RNF122: variants seen among roughly 807,000 people sequenced by gnomAD.
RNF122 encodes the protein ring finger protein 122.
RNF122 carries 17 observed loss-of-function variants against 24.2 expected under a neutral mutation model. The observed-to-expected ratio is 0.70, with a 90% CI of 0.48 to 1.06. RNF122 has a LOEUF of 1.06. Among genes scored for constraint, RNF122 ranks in the 50% least tolerant of loss-of-function variants. The probability of loss-of-function intolerance (pLI) is 0.00; values close to 1 mark genes in which losing one functional copy is unlikely to be tolerated. For synonymous variants in RNF122, 65 were observed against 71.8 expected, an observed-to-expected ratio of 0.91 and a Z score of 0.48; for missense variants, 168 against 198.1, an observed-to-expected ratio of 0.85 and a Z score of 0.91.
At chr8:33,560,372 C>T (rs1810522276) in intron 1 of RNF122, among the ~76,000 whole-genome samples, 1 of 151,998 alleles carries the variant, frequency 6.6e-6, no homozygotes, top group African/African-American at 2.4e-5. Flanking sequence ...GGAAAAGGAA[C>T]TTTGCTTGTT....
intron 1 of RNF122, 56 bp from the exon 2 acceptor site, chr8:33,558,827 T>TA (rs982191293): frequency 1.4e-5 from 20 of 1,390,302 alleles, no homozygotes; most frequent in Non-Finnish European, 1.9e-5. Context: ...GCTGGGCTGA[T>TA]AGCACTGTGT....
At chr8:33,559,154 G>T (rs1042924112) in intron 1 of RNF122, among the ~76,000 whole-genome samples, 2 of 151,824 alleles carry the variant, frequency 1.3e-5, no homozygotes, top group African/African-American at 4.8e-5. Context: ...AGAAAAATTA[G>T]CTAGGCATGG....
intron 1 of RNF122, among the ~76,000 whole-genome samples, chr8:33,565,863 C>CT (rs1013165069): frequency 5.3e-5 from 8 of 151,864 alleles, no homozygotes; most frequent in Admixed American, 3.3e-4. Flanking sequence ...AGGAAAACGG[C>CT]TTTTTTTTAG....
At chr8:33,560,079 C>T (rs147703934) in intron 1 of RNF122, among the ~76,000 whole-genome samples, 1 of 152,016 alleles carries the variant, frequency 6.6e-6, no homozygotes, top group Non-Finnish European at 1.5e-5. Flanking sequence ...TGACCTCAGG[C>T]GATCCACCCA....
chr8:33,561,266 C>G (rs910629698), intron 1 of RNF122, among the ~76,000 whole-genome samples: 3 of 152,146 alleles, frequency 2.0e-5, no homozygotes, highest in African/African-American at 7.2e-5. Flanking sequence ...TCACATGCCA[C>G]AGAATTCTAT....
intron 1 of RNF122, among the ~76,000 whole-genome samples, chr8:33,566,335 C>A (rs1810622758): frequency 6.6e-6 from 1 of 152,208 alleles, no homozygotes; most frequent in Non-Finnish European, 1.5e-5. Context: ...GAGATCCCAG[C>A]CCGAGTGCGG....
chr8:33,563,374 T>G (rs1810570278), intron 1 of RNF122, among the ~76,000 whole-genome samples: 1 of 152,196 alleles, frequency 6.6e-6, no homozygotes, highest in African/African-American at 2.4e-5. Context: ...CAGCAAGTAT[T>G]ATTGAGGGCT....
chr8:33,559,677 T>C (rs1341231263), intron 1 of RNF122, among the ~76,000 whole-genome samples: 2 of 151,988 alleles, frequency 1.3e-5, no homozygotes, highest in Non-Finnish European at 2.9e-5. Context: ...AAAGTGGCGA[T>C]GGGGGTGGGG....
Position 33,564,075 on chromosome 8 carries a change from T to C in RNF122, c.25+2624A>G, listed in dbSNP as rs192161762. The stretch of plus-strand genomic sequence containing the variant: ...TTTGCTTGTGTTACTATTAAAGAAA[T>C]GGCAAAATAGTCTACTGGTCAAAAG... On this transcript the variant is annotated intron_variant, in intron 1 of 5. Coordinates refer to ENST00000256257, the MANE Select transcript of RNF122 (RefSeq NM_024787.3). Among the ~76,000 whole-genome samples, 26 of 152,254 alleles carry C rather than the reference T, an allele frequency of 1.7e-4. No individual in the cohort carries two copies. In the East Asian group the frequency reaches 4.8e-3, roughly 28 times the overall value.
Position 33,562,042 on chromosome 8 carries a change from C to T in RNF122, c.26-3271G>A, listed in dbSNP as rs892211357. Among the ~76,000 whole-genome samples the T allele has an allele frequency of 4.6e-5, 7 of 152,074 alleles. No individual in the cohort carries two copies. In the East Asian group the frequency reaches 5.8e-4, roughly 13 times the overall value. On this transcript the variant is annotated intron_variant, in intron 1 of 5. Transcript: ENST00000256257. ...CCCTGTCTTTGTTTACACAGCTTTCCCTGCCTGAAACGCTCTCTCTGAGGC... is the reference window on the plus strand; with the variant it reads ...CCCTGTCTTTGTTTACACAGCTTTCTCTGCCTGAAACGCTCTCTCTGAGGC...
intron 4 of RNF122, among the ~76,000 whole-genome samples, chr8:33,549,694 G>T (rs912247169): frequency 6.6e-6 from 1 of 152,082 alleles, no homozygotes; most frequent in African/African-American, 2.4e-5. Context: ...AAAATTAGAT[G>T]AAATTATAAA....
At position 33,548,867 on chromosome 8, in the gene RNF122, C is replaced by G. The variant is rs761131128; in HGVS notation, c.354G>C (p.Lys118Asn). Residue 118 changes from lysine to asparagine, a missense_variant and splice_region_variant, in exon 6 of 6, where the codon AAG (lysine) becomes AAC (asparagine). Coordinates refer to ENST00000256257, the MANE Select transcript of RNF122 (RefSeq NM_024787.3). ...VLPCQHAFHR[K>N]CLVKWLEVRC... ...GAACTTCCAGCCATTTCACCAGACA[C>G]CTGAGAACAAATGAGGAATGGTAAT... is the stretch of plus-strand genomic sequence containing the variant. The G allele has an allele frequency of 2.5e-6, 4 of 1,607,342 alleles. No homozygotes were observed. Among genetic ancestry groups the G allele is most frequent in the African/African-American group, 2.7e-5 (2 of 74,874 alleles).
chr8:33,553,832 C>A (rs76590445), intron 2 of RNF122, among the ~76,000 whole-genome samples: 2 of 152,096 alleles, frequency 1.3e-5, no homozygotes, highest in South Asian at 2.1e-4. Context: ...GGTGTCCTGG[C>A]GAGGTTCATG....
intron 2 of RNF122, among the ~76,000 whole-genome samples, chr8:33,552,452 T>C (rs1416457226): frequency 6.6e-6 from 1 of 151,888 alleles, no homozygotes; most frequent in East Asian, 1.9e-4. Flanking sequence ...AAGAAGTGAA[T>C]TTATTTGCCT....
At chr8:33,551,270 G>A (rs373420814) in intron 3 of RNF122, 74 bp downstream of exon 3, 1 of 1,575,176 alleles carries the variant, frequency 6.3e-7, no homozygotes, top group African/African-American at 1.4e-5. Context: ...AGGAGAACCT[G>A]AGCCTGCCCT....
At chr8:33,550,982 G>A (rs200738168) in intron 4 of RNF122, 62 bp downstream of exon 4, 62 of 1,523,262 alleles carry the variant, frequency 4.1e-5, no homozygotes, top group Non-Finnish European at 5.6e-5. Context: ...CAGAGAACTG[G>A]AGCAAGGTGC....
In RNF122 at chr8:33,566,969, C is replaced by A; in HGVS notation, c.-246G>T. ...GCGGAGCACAGCCGCACGGAGCGCA[C>A]GCGCCAAGGGCCCCGGGCTGGGGGA... On this transcript the variant is annotated 5_prime_UTR_variant, in exon 1 of 6. Transcript: ENST00000256257. The A allele has an allele frequency of 1.9e-6, 1 of 526,764 alleles. No homozygotes were observed. The allele number at this position is 526,764 out of a possible 1,614,324, so 32.6% of individuals were successfully genotyped here.
At chr8:33,554,191 A>C (rs766828753) in intron 2 of RNF122, among the ~76,000 whole-genome samples, 1 of 152,186 alleles carries the variant, frequency 6.6e-6, no homozygotes, top group Non-Finnish European at 1.5e-5. Context: ...GGGAGCTCAC[A>C]GCGGCCTTGA....
At chr8:33,549,837 G>C (rs1425540669) in intron 4 of RNF122, among the ~76,000 whole-genome samples, 2 of 151,984 alleles carry the variant, frequency 1.3e-5, no homozygotes, top group Non-Finnish European at 2.9e-5. Context: ...TGTCCTAGAA[G>C]AATGGTTTTC....
Sources: allele counts gnomAD v4.1 joint callset (sites outside exome capture counted in the v4.1 genomes callset), GRCh38; gene constraint gnomAD v4.1.1; transcripts MANE v1.5; gene names NCBI Gene and HGNC (gene_info 2026-07-23, HGNC 2026-07-21).